FAM13C: variants seen among roughly 807,000 people sequenced by gnomAD.
FAM13C encodes the protein family with sequence similarity 13 member C, also known as protein FAM13C.
A neutral mutation model predicts 73.2 loss-of-function variants in FAM13C; 37 were observed. The observed-to-expected ratio is 0.51, with a 90% CI of 0.39 to 0.67. FAM13C has a LOEUF of 0.67. Ranked by LOEUF, FAM13C falls within the 30% of genes least tolerant of loss-of-function variation. The probability of loss-of-function intolerance (pLI) is 0.00; values close to 1 mark genes in which losing one functional copy is unlikely to be tolerated. For missense variants in FAM13C, 589 were observed against 715.6 expected (o/e 0.82, Z 2.02); for synonymous variants, 246 against 260.9 (o/e 0.94, Z 0.55).
chr10:59,305,968 GT>G (rs1447725927), intron 4 of FAM13C, among the ~76,000 whole-genome samples: 4 of 152,200 alleles, frequency 2.6e-5, no homozygotes, highest in South Asian at 4.1e-4. Context: ...GGAGACAGGG[GT>G]TAATCCACCC....
intron 4 of FAM13C, among the ~76,000 whole-genome samples, chr10:59,322,593 C>G (rs1850466891): frequency 6.6e-6 from 1 of 152,212 alleles, no homozygotes; most frequent in Non-Finnish European, 1.5e-5. Flanking sequence ...CCATTTTCCC[C>G]TGTTGGTCTC....
chr10:59,270,908 C>T (rs1006324169), intron 6 of FAM13C, among the ~76,000 whole-genome samples: 1 of 152,082 alleles, frequency 6.6e-6, no homozygotes, highest in Admixed American at 6.6e-5. Context: ...CATCTCTGTC[C>T]CTGAATTCTC....
At chr10:59,276,930 A>G (rs1844379055) in intron 6 of FAM13C, among the ~76,000 whole-genome samples, 1 of 152,226 alleles carries the variant, frequency 6.6e-6, no homozygotes, top group Non-Finnish European at 1.5e-5. Context: ...ACATGTCAGT[A>G]CCAATACTTG....
chr10:59,295,819 G>A lies in FAM13C; in HGVS notation c.507+6982C>T, dbSNP rs369450101. Among the ~76,000 whole-genome samples, 70 of 152,294 alleles carry A rather than the reference G, an allele frequency of 4.6e-4. 1 individual carries two copies. The highest frequency in any genetic ancestry group is 1.5e-3 in the African/African-American group (64 of 41,560). On this transcript the variant is annotated intron_variant, in intron 5 of 13. Coordinates refer to ENST00000618804, the MANE Select transcript of FAM13C (RefSeq NM_198215.4). ...ATAGAAAAAGAAGAACCCAGAGATA[G>A]AAATAGATGGCATCTCCAGTGATGA... is the stretch of plus-strand genomic sequence containing the variant.
chr10:59,311,876 C>T (rs1848968944), intron 4 of FAM13C, among the ~76,000 whole-genome samples: 1 of 152,160 alleles, frequency 6.6e-6, no homozygotes, highest in Non-Finnish European at 1.5e-5. Flanking sequence ...CTGTTGTGGG[C>T]TCTTCCTCCT....
Position 59,247,011 on chromosome 10 carries a change from G to A in FAM13C, c.*603C>T. On this transcript the variant is annotated 3_prime_UTR_variant, in exon 14 of 14. Transcript: ENST00000618804. Reference sequence around the variant, plus strand: ...CAGAAATGTAAAATTTCAAATAACGGATAAAATAATGTGTTATTTTTATAG... The same window carrying A: ...CAGAAATGTAAAATTTCAAATAACGAATAAAATAATGTGTTATTTTTATAG... The A allele has an allele frequency of 5.8e-6, 1 of 173,102 alleles. No individual in the cohort carries two copies. The highest frequency in any genetic ancestry group is 1.2e-5 in the Non-Finnish European group (1 of 84,354). 10.7% of individuals were successfully genotyped at this position (173,102 alleles called of 1,614,324 possible).
intron 4 of FAM13C, among the ~76,000 whole-genome samples, chr10:59,321,240 G>A (rs976336571): frequency 1.3e-5 from 2 of 151,982 alleles, no homozygotes; most frequent in Admixed American, 6.6e-5. Context: ...ATCAAAAAAT[G>A]TTTCCCAGCC....
chr10:59,350,153 T>C (rs766360425), intron 3 of FAM13C, among the ~76,000 whole-genome samples: 8 of 152,246 alleles, frequency 5.3e-5, no homozygotes, highest in Non-Finnish European at 8.8e-5. Flanking sequence ...TTGTATCAGA[T>C]AGAACAGGCC....
At chr10:59,309,527 A>G (rs1848682229) in intron 4 of FAM13C, among the ~76,000 whole-genome samples, 3 of 152,138 alleles carry the variant, frequency 2.0e-5, no homozygotes, top group Non-Finnish European at 4.4e-5. Flanking sequence ...TGGATGCACC[A>G]TGCTCCTTTC....
intron 5 of FAM13C, among the ~76,000 whole-genome samples, chr10:59,294,473 G>C (rs1846663416): frequency 1.3e-5 from 2 of 152,268 alleles, no homozygotes; most frequent in Non-Finnish European, 2.9e-5. Flanking sequence ...GCTTCTCCAA[G>C]GCAGTTCCCA....
chr10:59,283,412 C>T lies in FAM13C; in HGVS notation c.543G>A (p.Pro181=), dbSNP rs140590152. Reference sequence around the variant, plus strand: ...GCACGCTCTGGGTTGATGCTGGCGCCGGGTCCTTGACTCCATGCACCTGAG... The same window carrying T: ...GCACGCTCTGGGTTGATGCTGGCGCTGGGTCCTTGACTCCATGCACCTGAG... ...EAAQVHGVKD[P]APASTQSVLA... Residue 181 remains proline (P), a synonymous_variant, in exon 6 of 14, where the codon CCG becomes CCA. Transcript: ENST00000618804. 8.7e-6 allele frequency: 14 copies of T among 1,614,090 alleles called. No individual in the cohort carries two copies. The highest frequency in any genetic ancestry group is 2.2e-5 in the South Asian group (2 of 91,092).
chr10:59,255,837 T>C (rs1425536512), intron 10 of FAM13C, among the ~76,000 whole-genome samples: 1 of 152,192 alleles, frequency 6.6e-6, no homozygotes, highest in Non-Finnish European at 1.5e-5. Flanking sequence ...CCTTAACTGT[T>C]TTCTTTGTTT....
intron 10 of FAM13C, among the ~76,000 whole-genome samples, chr10:59,261,670 T>C (rs193204584): frequency 6.6e-6 from 1 of 152,126 alleles, no homozygotes; most frequent in Admixed American, 6.6e-5. Flanking sequence ...AGAGCTGTGA[T>C]AGGGTAGTTG....
chr10:59,344,537 C>T (rs772602254), intron 3 of FAM13C, among the ~76,000 whole-genome samples: 101 of 152,070 alleles, frequency 6.6e-4, no homozygotes, highest in Non-Finnish European at 1.3e-3. Flanking sequence ...CCGTCTCAGC[C>T]TCCCAAAGTG....
chr10:59,337,820 C>T (rs1367310228), intron 3 of FAM13C, among the ~76,000 whole-genome samples: 2 of 151,786 alleles, frequency 1.3e-5, no homozygotes, highest in African/African-American at 4.8e-5. Flanking sequence ...GCTGGGATTA[C>T]AGGCACCTGC....
chr10:59,283,353 T>C lies in FAM13C; in HGVS notation c.592+10A>G, dbSNP rs1345887790. ...TACAATTTGGGACAACCCCCAGCCC[T>C]GTATCTTACCTGCAGAATCTGTCCC... On this transcript the variant is annotated intron_variant, in intron 6 of 13. Transcript: ENST00000618804. 2.5e-6 allele frequency: 4 copies of C among 1,613,818 alleles called. No individual in the cohort carries two copies. The Admixed American group carries it at 6.7e-5, about 27-fold the overall frequency.
intron 12 of FAM13C, among the ~76,000 whole-genome samples, 181 bp downstream of exon 12, chr10:59,252,618 C>A (rs1841503244): frequency 6.6e-6 from 1 of 152,062 alleles, no homozygotes; most frequent in Non-Finnish European, 1.5e-5. Context: ...TTGCTTACTA[C>A]CAAGTGGATT....
chr10:59,353,766 C>T (rs960070483), intron 2 of FAM13C, among the ~76,000 whole-genome samples: 14 of 152,138 alleles, frequency 9.2e-5, no homozygotes, highest in Non-Finnish European at 1.5e-4. Flanking sequence ...AATAAAACTA[C>T]GTGACATAGT....
At chr10:59,302,508 C>T (rs944061617) in intron 5 of FAM13C, among the ~76,000 whole-genome samples, 3 of 152,100 alleles carry the variant, frequency 2.0e-5, no homozygotes, top group Non-Finnish European at 4.4e-5. Flanking sequence ...TAACTGTCAT[C>T]GCCACGGTTA....
Sources: allele counts gnomAD v4.1 joint callset (sites outside exome capture counted in the v4.1 genomes callset), GRCh38; gene constraint gnomAD v4.1.1; transcripts MANE v1.5; gene names NCBI Gene and HGNC (gene_info 2026-07-23, HGNC 2026-07-21).